Variants in CNTN3 observed in about 807,000 individuals in gnomAD.
CNTN3 encodes contactin 3, also known as contactin-3.
In CNTN3, 60 loss-of-function variants were observed where a neutral mutation model predicts 119.1. That is an observed-to-expected ratio of 0.50 (90% confidence interval 0.41 to 0.62). The LOEUF (loss-of-function observed/expected upper bound fraction) is 0.62, where lower values mean the gene tolerates loss of function less well. Among genes scored for constraint, CNTN3 ranks in the 20% least tolerant of loss-of-function variants. CNTN3 has a pLI of 0.00. For missense variants in CNTN3, 1,101 were observed against 1,242.4 expected (o/e 0.89, Z 1.71); for synonymous variants, 450 against 438.7 (o/e 1.03, Z -0.32).
intron 3 of CNTN3, among the ~76,000 whole-genome samples, chr3:74,493,932 A>C (rs1363080105): frequency 6.6e-6 from 1 of 152,136 alleles, no homozygotes; most frequent in Non-Finnish European, 1.5e-5. Context: ...CTCATCGATA[A>C]ATTTTGAACA....
intron 20 of CNTN3, among the ~76,000 whole-genome samples, chr3:74,284,745 G>A (rs1036045189): frequency 1.3e-5 from 2 of 152,152 alleles, no homozygotes; most frequent in Non-Finnish European, 1.5e-5. Context: ...TGCAGCTGGC[G>A]AATTTACCTG....
intron 4 of CNTN3, among the ~76,000 whole-genome samples, chr3:74,464,655 T>C (rs1193833739): frequency 6.6e-6 from 1 of 152,182 alleles, no homozygotes; most frequent in Non-Finnish European, 1.5e-5. Context: ...CCATATTATA[T>C]AGTTATGAGT....
intron 1 of CNTN3, among the ~76,000 whole-genome samples, chr3:74,548,726 A>G (rs116474349): frequency 0.011 from 1,609 of 152,340 alleles, 34 homozygotes; most frequent in African/African-American, 0.036. Flanking sequence ...AACATTATTC[A>G]ATGACCTGCT....
Position 74,614,230 on chromosome 3 carries a change from C to T in CNTN3, c.-81+161G>A, listed in dbSNP as rs145880165. On this transcript the variant is annotated intron_variant, in intron 1 of 22. Transcript: ENST00000263665. ...AAAAATAATCTCCCCAGAGCAAGTC[C>T]GATGAGAGAAGCATCTTTTATTCTC... is the stretch of plus-strand genomic sequence containing the variant. 1.1e-4 allele frequency among the ~76,000 whole-genome samples: 16 copies of T among 152,304 alleles called. 1 individual carries two copies. The East Asian group carries it at 2.5e-3, about 24-fold the overall frequency.
chr3:74,420,550 G>A (rs933196297), intron 5 of CNTN3, among the ~76,000 whole-genome samples: 1 of 152,214 alleles, frequency 6.6e-6, no homozygotes, highest in African/African-American at 2.4e-5. Context: ...AGATATTTCT[G>A]CTAATGTGAT....
intron 5 of CNTN3, among the ~76,000 whole-genome samples, chr3:74,413,976 G>A (rs1701479172): frequency 6.6e-6 from 1 of 152,054 alleles, no homozygotes; most frequent in African/African-American, 2.4e-5. Context: ...ACTACTCTGG[G>A]GTGAGGTGCC....
At chr3:74,319,314 A>G (rs1314698898) in intron 13 of CNTN3, among the ~76,000 whole-genome samples, 1 of 152,212 alleles carries the variant, frequency 6.6e-6, no homozygotes, top group Non-Finnish European at 1.5e-5. Context: ...GTACCAAAAC[A>G]GAGATATAGA....
intron 1 of CNTN3, among the ~76,000 whole-genome samples, chr3:74,564,129 C>T (rs889059403): frequency 1.3e-5 from 2 of 152,106 alleles, no homozygotes; most frequent in Admixed American, 6.6e-5. Flanking sequence ...GTGTACAATG[C>T]TTATGCTATG....
At chr3:74,534,254 C>A (rs1703731200) in intron 1 of CNTN3, among the ~76,000 whole-genome samples, 1 of 151,850 alleles carries the variant, frequency 6.6e-6, no homozygotes, top group African/African-American at 2.4e-5. Flanking sequence ...TAGCATGAGC[C>A]CCTTATGCCC....
At chr3:74,285,819 ATATATATATATATATATAT>A (rs1702104120) in intron 19 of CNTN3, among the ~76,000 whole-genome samples, 1 of 125,050 alleles carries the variant, frequency 8.0e-6, no homozygotes, top group African/African-American at 3.4e-5. Flanking sequence ...ATATATATAT[ATATATATATATATATATAT>A]AAAATTAAAA....
chr3:74,568,306 ATG>A (rs1020001094), intron 1 of CNTN3, among the ~76,000 whole-genome samples: 26 of 152,200 alleles, frequency 1.7e-4, no homozygotes, highest in African/African-American at 6.3e-4. Flanking sequence ...GCACATGTAT[ATG>A]TGTTTGGGGA....
chr3:74,575,974 A>C (rs1454213052), intron 1 of CNTN3, among the ~76,000 whole-genome samples: 1 of 152,000 alleles, frequency 6.6e-6, no homozygotes, highest in Admixed American at 6.5e-5. Flanking sequence ...GCTCCACCAC[A>C]AGTACTTCCT....
At chr3:74,450,764 T>C (rs1702137597) in intron 4 of CNTN3, among the ~76,000 whole-genome samples, 1 of 150,152 alleles carries the variant, frequency 6.7e-6, no homozygotes, top group Admixed American at 6.7e-5. Flanking sequence ...TATGCAGTGT[T>C]TGGTTTTTTG....
At chr3:74,407,285 T>TTTC (rs1260549848) in intron 5 of CNTN3, among the ~76,000 whole-genome samples, 1 of 145,184 alleles carries the variant, frequency 6.9e-6, no homozygotes, top group Non-Finnish European at 1.5e-5. Flanking sequence ...TTTTTTTTTT[T>TTTC]GAGACGGAGT....
At chr3:74,390,780 G>C (rs937913345) in intron 5 of CNTN3, among the ~76,000 whole-genome samples, 1 of 152,152 alleles carries the variant, frequency 6.6e-6, no homozygotes, top group African/African-American at 2.4e-5. Flanking sequence ...TATAAACGTG[G>C]TAATGGGATA....
chr3:74,547,865 T>C (rs1703936260), intron 1 of CNTN3, among the ~76,000 whole-genome samples: 1 of 152,272 alleles, frequency 6.6e-6, no homozygotes, highest in East Asian at 1.9e-4. Context: ...ATTAAGAATG[T>C]TTCTCCCGCC....
chr3:74,436,829 T>C (rs1164277443), intron 4 of CNTN3, among the ~76,000 whole-genome samples: 1 of 152,158 alleles, frequency 6.6e-6, no homozygotes, highest in Non-Finnish European at 1.5e-5. Context: ...TTTAAATAAC[T>C]CAATTGCAAA....
At chr3:74,569,827 C>T (rs769392252) in intron 1 of CNTN3, among the ~76,000 whole-genome samples, 8 of 152,126 alleles carry the variant, frequency 5.3e-5, no homozygotes, top group Non-Finnish European at 1.2e-4. Context: ...AGGCTTGAGG[C>T]CCTTCACCAA....
At chr3:74,440,834 A>G (rs1701950771) in intron 4 of CNTN3, among the ~76,000 whole-genome samples, 3 of 152,146 alleles carry the variant, frequency 2.0e-5, no homozygotes, top group Admixed American at 6.5e-5. Flanking sequence ...CAATTTATAA[A>G]GCATTACATT....
Sources: gnomAD v4.1 joint callset for allele counts (sites outside exome capture counted in the v4.1 genomes callset) on GRCh38, gnomAD v4.1.1 for gene constraint, MANE v1.5 for transcripts, NCBI Gene and HGNC (gene_info 2026-07-23, HGNC 2026-07-21) for gene names.